RAB28: variants seen among roughly 807,000 people sequenced by gnomAD.
The protein encoded by RAB28 is RAB28, member RAS oncogene family, also known as ras-related protein Rab-28.
Under a neutral mutation model 31.7 loss-of-function variants are expected in RAB28, and 24 were observed. That is an observed-to-expected ratio of 0.76 (90% CI 0.55 to 1.06). The LOEUF is 1.06. Ranked by LOEUF, RAB28 falls within the 50% of genes least tolerant of loss-of-function variation. The pLI, the probability that RAB28 is intolerant of heterozygous loss-of-function variation, is 0.00. For missense variants in RAB28, 254 were observed against 258.5 expected, an observed-to-expected ratio of 0.98 and a Z score of 0.12; for synonymous variants, 100 against 90.4, an observed-to-expected ratio of 1.11 and a Z score of -0.60.
chr4:13,471,506 T>C (rs1380612750), intron 3 of RAB28, among the ~76,000 whole-genome samples: 2 of 152,034 alleles, frequency 1.3e-5, no homozygotes, highest in Admixed American at 1.3e-4. Flanking sequence ...ATCATCCTTT[T>C]TTTTTCTTCT....
intron 1 of RAB28, 81 bp downstream of exon 1, chr4:13,483,995 C>A: frequency 1.5e-6 from 2 of 1,349,684 alleles, no homozygotes; most frequent in Non-Finnish European, 2.1e-6. Flanking sequence ...GGTAACGAGG[C>A]GACGCCGGGC....
intron 3 of RAB28, among the ~76,000 whole-genome samples, chr4:13,467,878 G>C (rs182279185): frequency 2.6e-5 from 4 of 151,778 alleles, no homozygotes; most frequent in Admixed American, 6.6e-5. Context: ...TATTGCCTAC[G>C]GAAAACTGAC....
chr4:13,434,039 T>A (rs1196938672), intron 4 of RAB28, among the ~76,000 whole-genome samples: 2 of 152,120 alleles, frequency 1.3e-5, no homozygotes, highest in African/African-American at 4.8e-5. Context: ...GAGGCCACTA[T>A]CCTAAATGAA....
At chr4:13,481,782 T>A (rs183784294) in intron 1 of RAB28, among the ~76,000 whole-genome samples, 1 of 152,232 alleles carries the variant, frequency 6.6e-6, no homozygotes, top group Admixed American at 6.5e-5. Context: ...CTATTGCATC[T>A]GTCAGTGTGT....
chr4:13,421,864 C>T (rs1713169855), intron 4 of RAB28, among the ~76,000 whole-genome samples: 1 of 152,152 alleles, frequency 6.6e-6, no homozygotes, highest in African/African-American at 2.4e-5. Flanking sequence ...GACTAAAACA[C>T]CAAAAGCGAT....
At chr4:13,387,430 C>T (rs1406993413) in intron 4 of RAB28, among the ~76,000 whole-genome samples, 1 of 152,024 alleles carries the variant, frequency 6.6e-6, no homozygotes, top group Non-Finnish European at 1.5e-5. Flanking sequence ...ATTAACAAAA[C>T]TTGTACCATT....
chr4:13,392,738 G>A (rs1388180777), intron 4 of RAB28, among the ~76,000 whole-genome samples: 5 of 152,172 alleles, frequency 3.3e-5, no homozygotes, highest in African/African-American at 1.2e-4. Flanking sequence ...TAAGAGAATA[G>A]ATTTTAAGTG....
chr4:13,479,385 A>G (rs1716505769), intron 2 of RAB28, 45 bp downstream of exon 2: 2 of 1,412,406 alleles, frequency 1.4e-6, no homozygotes, highest in Admixed American at 1.9e-5. Context: ...CTTATTGTTA[A>G]GATTTTTTTA....
At chr4:13,369,587 T>G (rs1728638908) in intron 6 of RAB28, among the ~76,000 whole-genome samples, 1 of 152,116 alleles carries the variant, frequency 6.6e-6, no homozygotes, top group Non-Finnish European at 1.5e-5. Context: ...AATAACTGCC[T>G]CAATTCTCCA....
At chr4:13,436,962 A>G (rs545800428) in intron 4 of RAB28, among the ~76,000 whole-genome samples, 7 of 152,306 alleles carry the variant, frequency 4.6e-5, no homozygotes, top group Admixed American at 6.5e-5. Context: ...TTCAAACTAT[A>G]GTATAAGGCT....
intron 4 of RAB28, among the ~76,000 whole-genome samples, chr4:13,449,004 T>C (rs1714836077): frequency 6.6e-6 from 1 of 151,932 alleles, no homozygotes; most frequent in Non-Finnish European, 1.5e-5. Flanking sequence ...TAGTATTATC[T>C]GGAACAAAAA....
intron 4 of RAB28, among the ~76,000 whole-genome samples, chr4:13,383,881 G>T (rs914846588): frequency 6.6e-6 from 1 of 152,142 alleles, no homozygotes; most frequent in Non-Finnish European, 1.5e-5. Flanking sequence ...TATCACACAG[G>T]GCTAGTCCAA....
At chr4:13,374,655 T>A (rs1013840805) in intron 6 of RAB28, among the ~76,000 whole-genome samples, 1 of 152,154 alleles carries the variant, frequency 6.6e-6, no homozygotes, top group Non-Finnish European at 1.5e-5. Context: ...TCTTATCCAA[T>A]AATTCCACAA....
chr4:13,370,714 C>G, intron 6 of RAB28: 1 of 984,904 alleles, frequency 1.0e-6, no homozygotes, highest in Non-Finnish European at 1.2e-6. Context: ...CCGATCCTAA[C>G]CTCCATACTT....
At chr4:13,442,494 A>C (rs1274296609) in intron 4 of RAB28, among the ~76,000 whole-genome samples, 3 of 152,072 alleles carry the variant, frequency 2.0e-5, no homozygotes, top group South Asian at 2.1e-4. Context: ...AAAAAAAAAA[A>C]ACTTCTAAAC....
chr4:13,368,644 C>G lies in RAB28; in HGVS notation c.580G>C (p.Val194Leu). The G allele has an allele frequency of 6.2e-7, 1 of 1,609,926 alleles. No individual in the cohort carries two copies. The highest frequency in any genetic ancestry group is 8.5e-7 in the Non-Finnish European group (1 of 1,177,258). Reference sequence around the variant, plus strand: ...TTGTAGTTTACAATATCTGCCTTCACCACCCTCTGTCATAAAAGAAAACAG... The same window carrying G: ...TTGTAGTTTACAATATCTGCCTTCAGCACCCTCTGTCATAAAAGAAAACAG... ...KAEIEQSQRV[V>L]KADIVNYNQE... Residue 194 changes from valine to leucine, a missense_variant, in exon 7 of 7, where the codon GTG (valine) becomes CTG (leucine). Transcript: ENST00000330852.
chr4:13,397,434 C>G (rs1191415733), intron 4 of RAB28, among the ~76,000 whole-genome samples: 1 of 151,990 alleles, frequency 6.6e-6, no homozygotes. Flanking sequence ...AATAGTTATT[C>G]TTTAAACCAC....
At chr4:13,437,351 A>G (rs1426140842) in intron 4 of RAB28, among the ~76,000 whole-genome samples, 3 of 152,184 alleles carry the variant, frequency 2.0e-5, no homozygotes, top group East Asian at 1.9e-4. Context: ...AACAAAAACA[A>G]AAACTGACAA....
intron 4 of RAB28, among the ~76,000 whole-genome samples, chr4:13,381,962 T>C (rs973408615): frequency 2.0e-5 from 3 of 152,216 alleles, no homozygotes; most frequent in African/African-American, 7.2e-5. Flanking sequence ...TGGTGATTAA[T>C]TGAAGGCAAG....
Sources: gnomAD v4.1 joint callset for allele counts (sites outside exome capture counted in the v4.1 genomes callset) on GRCh38, gnomAD v4.1.1 for gene constraint, MANE v1.5 for transcripts, NCBI Gene and HGNC (gene_info 2026-07-23, HGNC 2026-07-21) for gene names.